The following CSMD1 variants were observed in gnomAD, a reference collection of about 807,000 sequenced individuals.
The protein encoded by CSMD1 is CUB and Sushi multiple domains 1.
CSMD1 carries 213 observed loss-of-function variants against 417.5 expected under a neutral mutation model. The observed-to-expected ratio is 0.51, with a 90% CI of 0.46 to 0.57. The LOEUF (loss-of-function observed/expected upper bound fraction) is 0.57, where lower values mean the gene tolerates loss of function less well. Ranked by LOEUF, CSMD1 falls within the 20% of genes least tolerant of loss-of-function variation. The pLI is 0.00. For missense variants in CSMD1, 6,923 were observed against 4,529.7 expected, an observed-to-expected ratio of 1.53 and a Z score of -15.17; for synonymous variants, 2,862 against 1,736.8, an observed-to-expected ratio of 1.65 and a Z score of -16.11.
At chr8:3,634,900 G>C (rs1433844479) in intron 7 of CSMD1, among the ~76,000 whole-genome samples, 1 of 152,122 alleles carries the variant, frequency 6.6e-6, no homozygotes, top group South Asian at 2.1e-4. Context: ...CTGGGCTATA[G>C]GGTACAGCCG....
At chr8:4,971,808 A>T (rs1236010711) in intron 1 of CSMD1, among the ~76,000 whole-genome samples, 2 of 152,090 alleles carry the variant, frequency 1.3e-5, no homozygotes, top group Admixed American at 1.3e-4. Context: ...GTAGAAATAT[A>T]GAATTTAAAG....
At chr8:4,343,720 T>G (rs1266100345) in intron 3 of CSMD1, among the ~76,000 whole-genome samples, 1 of 152,120 alleles carries the variant, frequency 6.6e-6, no homozygotes, top group African/African-American at 2.4e-5. Flanking sequence ...GAGCTTCGAC[T>G]AGGTCCATAA....
intron 26 of CSMD1, among the ~76,000 whole-genome samples, chr8:3,260,937 T>C (rs1280985371): frequency 6.6e-6 from 1 of 151,880 alleles, no homozygotes. Context: ...TAAAGAATGC[T>C]CAAGACTGAA....
At chr8:3,336,651 C>A (rs1009754805) in intron 23 of CSMD1, among the ~76,000 whole-genome samples, 1 of 152,194 alleles carries the variant, frequency 6.6e-6, no homozygotes, top group African/African-American at 2.4e-5. Context: ...TACTTCATCA[C>A]AGAGCCCTGT....
intron 7 of CSMD1, among the ~76,000 whole-genome samples, chr8:3,638,995 T>C (rs1194797645): frequency 2.0e-5 from 3 of 152,244 alleles, no homozygotes; most frequent in Non-Finnish European, 4.4e-5. Flanking sequence ...GTTGCATTCT[T>C]AACTCCCTGA....
At chr8:3,087,322 A>G (rs780744657) in intron 48 of CSMD1, 37 bp from the exon 49 acceptor site, 4 of 1,600,962 alleles carry the variant, frequency 2.5e-6, no homozygotes, top group Non-Finnish European at 3.4e-6. Context: ...ATAAGTCAAC[A>G]AGCAAACAAA....
intron 4 of CSMD1, among the ~76,000 whole-genome samples, chr8:4,027,738 A>G (rs1211396203): frequency 6.6e-6 from 1 of 152,214 alleles, no homozygotes; most frequent in South Asian, 2.1e-4. Flanking sequence ...ACTTGAAGCC[A>G]GTCTGTTTGA....
chr8:4,050,114 C>A (rs1211593630), intron 3 of CSMD1, among the ~76,000 whole-genome samples: 1 of 152,162 alleles, frequency 6.6e-6, no homozygotes, highest in Non-Finnish European at 1.5e-5. Flanking sequence ...TTGGGAAGAT[C>A]ACAGAGGTAA....
chr8:3,093,127 G>A (rs1247699318), intron 47 of CSMD1, among the ~76,000 whole-genome samples: 2 of 152,048 alleles, frequency 1.3e-5, no homozygotes, highest in Non-Finnish European at 2.9e-5. Flanking sequence ...AACCCTCTGG[G>A]CTTGGAAATG....
At chr8:4,005,755 T>C (rs1816061868) in intron 4 of CSMD1, among the ~76,000 whole-genome samples, 1 of 152,176 alleles carries the variant, frequency 6.6e-6, no homozygotes, top group South Asian at 2.1e-4. Context: ...AGTTATTGTA[T>C]ACAAGCAAAC....
intron 3 of CSMD1, among the ~76,000 whole-genome samples, chr8:4,384,883 CTGG>C (rs1803343848): frequency 6.6e-6 from 1 of 151,032 alleles, no homozygotes; most frequent in Non-Finnish European, 1.5e-5. Flanking sequence ...GCTCTAATTT[CTGG>C]TGACTATCAA....
At chr8:4,315,540 C>G (rs1279498757) in intron 3 of CSMD1, among the ~76,000 whole-genome samples, 2 of 152,114 alleles carry the variant, frequency 1.3e-5, no homozygotes, top group African/African-American at 2.4e-5. Flanking sequence ...TAGAAATTAA[C>G]TAAAAATCAC....
intron 5 of CSMD1, among the ~76,000 whole-genome samples, chr8:3,794,372 T>C (rs908749499): frequency 1.3e-5 from 2 of 152,142 alleles, no homozygotes. Flanking sequence ...CACTTATAGA[T>C]CATGAAGTTT....
chr8:3,054,125 A>G (rs749021095), intron 49 of CSMD1, among the ~76,000 whole-genome samples: 1 of 152,214 alleles, frequency 6.6e-6, no homozygotes, highest in Non-Finnish European at 1.5e-5. Context: ...GCAAAAGCAC[A>G]GGTTATCTCC....
At chr8:3,863,004 G>A (rs759759605) in intron 5 of CSMD1, among the ~76,000 whole-genome samples, 1 of 152,144 alleles carries the variant, frequency 6.6e-6, no homozygotes, top group Non-Finnish European at 1.5e-5. Context: ...AACAGATTTG[G>A]TATCTGGTAA....
intron 18 of CSMD1, among the ~76,000 whole-genome samples, chr8:3,370,369 G>A (rs1809870627): frequency 6.6e-6 from 1 of 152,192 alleles, no homozygotes; most frequent in Non-Finnish European, 1.5e-5. Flanking sequence ...CAAACAAACA[G>A]CCATGTGCTC....
intron 3 of CSMD1, among the ~76,000 whole-genome samples, chr8:4,308,666 C>A (rs551075766): frequency 6.6e-6 from 1 of 152,222 alleles, no homozygotes; most frequent in East Asian, 1.9e-4. Flanking sequence ...TTATAAGAGG[C>A]TTTACGCAAA....
intron 30 of CSMD1, among the ~76,000 whole-genome samples, chr8:3,212,388 G>A (rs904530728): frequency 2.0e-5 from 3 of 152,060 alleles, no homozygotes; most frequent in African/African-American, 7.2e-5. Context: ...TCGATCTGTT[G>A]CCCAGGCTAT....
At chr8:3,735,004 G>A (rs543543314) in intron 6 of CSMD1, among the ~76,000 whole-genome samples, 1 of 152,212 alleles carries the variant, frequency 6.6e-6, no homozygotes, top group East Asian at 1.9e-4. Context: ...TGCAAAGAGA[G>A]GAGTGAGGAG....
Sources: gnomAD v4.1 joint callset for allele counts (sites outside exome capture counted in the v4.1 genomes callset) on GRCh38, gnomAD v4.1.1 for gene constraint, MANE v1.5 for transcripts, NCBI Gene and HGNC (gene_info 2026-07-23, HGNC 2026-07-21) for gene names.